Variants in LMBRD1 observed in about 807,000 individuals in gnomAD.
LMBRD1 encodes LMBR1 domain containing 1, also known as lysosomal cobalamin transport escort protein LMBD1.
LMBRD1 carries 64 observed loss-of-function variants against 74.8 expected under a neutral mutation model. That is an observed-to-expected ratio of 0.86 (90% CI 0.70 to 1.05). The LOEUF (loss-of-function observed/expected upper bound fraction) is 1.05. LMBRD1 is among the 50% of genes least tolerant of loss of function. The pLI is 0.00. For missense variants in LMBRD1, 652 were observed against 645.9 expected, an observed-to-expected ratio of 1.01 and a Z score of -0.10; for synonymous variants, 204 against 216.3, an observed-to-expected ratio of 0.94 and a Z score of 0.50.
chr6:69,693,016 TTAAA>T (rs1025378281), intron 14 of LMBRD1, among the ~76,000 whole-genome samples: 5 of 152,122 alleles, frequency 3.3e-5, no homozygotes. Flanking sequence ...ACATGGTCTT[TTAAA>T]TAATTATTTG....
intron 9 of LMBRD1, chr6:69,706,010 C>T (rs1766248264): frequency 1.3e-6 from 1 of 784,340 alleles, no homozygotes; most frequent in Non-Finnish European, 2.2e-6. Flanking sequence ...TTTCCATCAG[C>T]CCCTAAACTG....
In LMBRD1 at chr6:69,675,958, T is replaced by C; in HGVS notation, c.*200A>G. 1.8e-6 allele frequency: 1 copy of C among 565,974 alleles called. No individual in the cohort carries two copies. The highest frequency in any genetic ancestry group is 3.1e-6 in the Non-Finnish European group (1 of 320,434). The allele number at this position is 565,974 out of a possible 1,614,324, so 35.1% of individuals were successfully genotyped here. On this transcript the variant is annotated 3_prime_UTR_variant, in exon 16 of 16. Coordinates refer to ENST00000649934, the MANE Select transcript of LMBRD1 (RefSeq NM_018368.4). Reference sequence around the variant, plus strand: ...CAAAGCCAGTAGTCTTATATTTACATAGCATGATTATGGTAATTTAAAATG... The same window carrying C: ...CAAAGCCAGTAGTCTTATATTTACACAGCATGATTATGGTAATTTAAAATG...
intron 6 of LMBRD1, among the ~76,000 whole-genome samples, chr6:69,739,967 G>A (rs560241077): frequency 2.6e-4 from 40 of 152,170 alleles, no homozygotes; most frequent in Non-Finnish European, 4.7e-4. Context: ...TTAGCTAAGC[G>A]TGGTGGCGGG....
chr6:69,705,694 T>C, intron 9 of LMBRD1: 1 of 994,828 alleles, frequency 1.0e-6, no homozygotes, highest in Non-Finnish European at 1.6e-6. Flanking sequence ...GTAGCAAGTT[T>C]TACTTTTTTC....
At chr6:69,764,966 G>GCA (rs1765449781) in intron 3 of LMBRD1, among the ~76,000 whole-genome samples, 1 of 148,238 alleles carries the variant, frequency 6.7e-6, no homozygotes, top group African/African-American at 2.5e-5. Context: ...GTCTTGCTGT[G>GCA]TGACCCAGGC....
chr6:69,791,557 T>C (rs1766085974), intron 1 of LMBRD1, among the ~76,000 whole-genome samples: 1 of 152,206 alleles, frequency 6.6e-6, no homozygotes. Flanking sequence ...TTGTTCTAAA[T>C]AAGAGCTCTG....
intron 3 of LMBRD1, among the ~76,000 whole-genome samples, chr6:69,766,694 C>T (rs952496610): frequency 2.6e-5 from 4 of 151,280 alleles, no homozygotes; most frequent in South Asian, 4.2e-4. Flanking sequence ...TCCTCTATTT[C>T]CTAAAAAGGT....
intron 7 of LMBRD1, among the ~76,000 whole-genome samples, chr6:69,719,884 G>T (rs1222911503): frequency 6.6e-6 from 1 of 152,096 alleles, no homozygotes; most frequent in Non-Finnish European, 1.5e-5. Context: ...CGTGCCCCCT[G>T]TTAGATGGGC....
chr6:69,774,259 T>C (rs1404601107), intron 3 of LMBRD1, among the ~76,000 whole-genome samples: 2 of 152,200 alleles, frequency 1.3e-5, no homozygotes, highest in African/African-American at 4.8e-5. Context: ...ACTTTGCTCC[T>C]CCTCGCCTTC....
intron 14 of LMBRD1, among the ~76,000 whole-genome samples, chr6:69,689,550 G>A (rs1240270172): frequency 6.6e-6 from 1 of 152,066 alleles, no homozygotes; most frequent in Non-Finnish European, 1.5e-5. Flanking sequence ...GGGAAGTCCT[G>A]AAGCAAGTCT....
Position 69,676,484 on chromosome 6 carries a change from G to C in LMBRD1, c.1475C>G (p.Ala492Gly). ...GGCCCAGTTACCAAAATAGTAAGCAGCACTGAAGAACCAGAACTTGTGAAG... is the reference window on the plus strand; with the variant it reads ...GGCCCAGTTACCAAAATAGTAAGCACCACTGAAGAACCAGAACTTGTGAAG... ...LFLHKFWFFS[A>G]AYYFGNWAFL... Residue 492 changes from alanine to glycine, a missense_variant, in exon 15 of 16, where the codon GCT (alanine) becomes GGT (glycine). Coordinates refer to ENST00000649934, the MANE Select transcript of LMBRD1 (RefSeq NM_018368.4). 6.2e-7 allele frequency: 1 copy of C among 1,613,542 alleles called. No individual in the cohort carries two copies.
chr6:69,761,684 T>C (rs1312266395), intron 3 of LMBRD1, among the ~76,000 whole-genome samples: 1 of 152,224 alleles, frequency 6.6e-6, no homozygotes, highest in Non-Finnish European at 1.5e-5. Context: ...TATAACTGTG[T>C]AATTCAATAA....
At chr6:69,712,782 C>T (rs1766411330) in intron 9 of LMBRD1, among the ~76,000 whole-genome samples, 1 of 151,978 alleles carries the variant, frequency 6.6e-6, no homozygotes, top group Non-Finnish European at 1.5e-5. Flanking sequence ...TGAATAAGTT[C>T]CAGAGGTCTG....
At chr6:69,714,062 T>A (rs1192155385) in intron 8 of LMBRD1, among the ~76,000 whole-genome samples, 1 of 152,050 alleles carries the variant, frequency 6.6e-6, no homozygotes, top group Non-Finnish European at 1.5e-5. Context: ...AGATAACCAT[T>A]TGTAAAAACA....
rs1459216258 is a variant in LMBRD1, at chr6:69,737,630, A to C, written c.636+312T>G. Among the ~76,000 whole-genome samples the C allele has an allele frequency of 4.0e-5, 6 of 150,244 alleles. No homozygotes were observed. In the South Asian group the frequency reaches 8.3e-4, roughly 21 times the overall value. On this transcript the variant is annotated intron_variant, in intron 7 of 15. Coordinates refer to ENST00000649934, the MANE Select transcript of LMBRD1 (RefSeq NM_018368.4). ...TTAATATGCTTATAAATCTATAGGC[A>C]TATAGATTTATAAGCATATCAGGTA...
chr6:69,686,304 T>C (rs1765762509), intron 14 of LMBRD1, among the ~76,000 whole-genome samples: 2 of 151,854 alleles, frequency 1.3e-5, no homozygotes, highest in East Asian at 3.9e-4. Context: ...TTTTCTTCCT[T>C]GACCTTGAGG....
intron 2 of LMBRD1, 69 bp downstream of exon 2, chr6:69,790,227 T>C: frequency 1.0e-6 from 1 of 994,476 alleles, no homozygotes; most frequent in Non-Finnish European, 1.6e-6. Context: ...AAACACAATA[T>C]GTATCGGACT....
At chr6:69,708,955 C>T (rs1292426130) in intron 9 of LMBRD1, among the ~76,000 whole-genome samples, 1 of 152,136 alleles carries the variant, frequency 6.6e-6, no homozygotes, top group Admixed American at 6.6e-5. Flanking sequence ...ACTAAATGAG[C>T]TGGGCGTAGT....
intron 5 of LMBRD1, among the ~76,000 whole-genome samples, chr6:69,748,761 A>G (rs1765050995): frequency 6.6e-6 from 1 of 152,098 alleles, no homozygotes; most frequent in Non-Finnish European, 1.5e-5. Context: ...GTACAAACAA[A>G]TAAGCAAAAT....
Sources: gnomAD v4.1 joint callset for allele counts (sites outside exome capture counted in the v4.1 genomes callset) on GRCh38, gnomAD v4.1.1 for gene constraint, MANE v1.5 for transcripts, NCBI Gene and HGNC (gene_info 2026-07-23, HGNC 2026-07-21) for gene names.